PGAM5: variants seen among roughly 807,000 people sequenced by gnomAD.
PGAM5 encodes the protein serine/threonine-protein phosphatase PGAM5, mitochondrial.
In PGAM5, 25 loss-of-function variants were observed where a neutral mutation model predicts 30.6. The ratio of observed to expected loss-of-function variants is 0.82; its 90% CI spans 0.60 to 1.14. The LOEUF (loss-of-function observed/expected upper bound fraction) is 1.14. Ranked by LOEUF, PGAM5 falls within the 50% of genes most tolerant of loss-of-function variation. The probability of loss-of-function intolerance (pLI) is 0.00; values close to 1 mark genes in which losing one functional copy is unlikely to be tolerated. For synonymous variants in PGAM5, 201 were observed against 179.1 expected (o/e 1.12, Z -0.98); for missense variants, 384 against 408.5 (o/e 0.94, Z 0.52).
At chr12:132,712,055 T>C (rs1352554685) in intron 1 of PGAM5, among the ~76,000 whole-genome samples, 2 of 152,210 alleles carry the variant, frequency 1.3e-5, no homozygotes, top group Non-Finnish European at 2.9e-5. Context: ...GTGGTTGCGT[T>C]AGGTACTTTA....
rs1382606444 is a variant in PGAM5 at position 132,717,757 on chromosome 12, G to C, written c.544G>C (p.Glu182Gln). 4 of 1,586,468 alleles carry C rather than the reference G, an allele frequency of 2.5e-6. No homozygotes were observed. Among genetic ancestry groups the C allele is most frequent in the Non-Finnish European group, 2.6e-6 (3 of 1,166,736 alleles). The change falls in exon 4 of 6, where the codon GAG becomes CAG. Residue 182 changes from glutamate (E) to glutamine (Q), a missense_variant. Coordinates refer to ENST00000498926, the MANE Select transcript of PGAM5 (RefSeq NM_001170543.2). ...TCTGCTGCGGGAAGGCGCCCCCATC[G>C]AGCCAGACCCGCCCGTGTCTCATTG... ...TDLLREGAPI[E>Q]PDPPVSHWKP... is the part of the protein sequence containing the mutation.
In PGAM5 at chr12:132,714,656, A is replaced by G; in HGVS notation, c.192-202A>G. 3 of 588,898 alleles carry G rather than the reference A, an allele frequency of 5.1e-6. No individual in the cohort carries two copies. In the South Asian group the frequency reaches 6.1e-5, roughly 12 times the overall value. 36.5% of individuals were successfully genotyped at this position (588,898 alleles called of 1,614,324 possible). On this transcript the variant is annotated intron_variant, in intron 1 of 5. Coordinates refer to ENST00000498926, the MANE Select transcript of PGAM5 (RefSeq NM_001170543.2). ...TGTCTGTTTTGCTCTCCAGCGCATCACTCAGAACAGACCTGGCACTAGCTT... is the reference window on the plus strand; with the variant it reads ...TGTCTGTTTTGCTCTCCAGCGCATCGCTCAGAACAGACCTGGCACTAGCTT...
intron 2 of PGAM5, 146 bp downstream of exon 2, chr12:132,715,182 C>A (rs753044348): frequency 3.3e-5 from 24 of 733,102 alleles, no homozygotes; most frequent in Non-Finnish European, 5.3e-5. Context: ...GGCACTGGGC[C>A]TCCTGGGGCC....
intron 1 of PGAM5, among the ~76,000 whole-genome samples, chr12:132,713,289 T>A: frequency 6.6e-6 from 1 of 152,210 alleles, no homozygotes; most frequent in East Asian, 1.9e-4. Context: ...TGGGAAAGAC[T>A]TATACAGACA....
rs2043639250 is a variant in PGAM5, at chr12:132,720,967, G to A, written c.*139G>A. The A allele has an allele frequency of 6.4e-6, 7 of 1,100,520 alleles. No homozygotes were observed. The highest frequency in any genetic ancestry group is 7.6e-6 in the Non-Finnish European group (6 of 793,428). 68.2% of individuals were successfully genotyped at this position (1,100,520 alleles called of 1,614,324 possible). A position where few individuals can be genotyped will look rare whatever the true frequency, so the allele number is the denominator to read the frequency against. On this transcript the variant is annotated 3_prime_UTR_variant, in exon 6 of 6. Coordinates refer to ENST00000498926, the MANE Select transcript of PGAM5 (RefSeq NM_001170543.2). ...TGACTTGTGACCAGGCTGAGAAGGGGAGAGTTGGGATCAGACAGCCTGACT... is the reference window on the plus strand; with the variant it reads ...TGACTTGTGACCAGGCTGAGAAGGGAAGAGTTGGGATCAGACAGCCTGACT...
In PGAM5 at chr12:132,717,648, A is replaced by C; in HGVS notation, c.497-62A>C. On this transcript the variant is annotated intron_variant, in intron 3 of 5. Transcript: ENST00000498926. ...CCGGCCTGAGCTCCTGGCCACCGGGAGGTCACAGCATCTCCGCCGGCGGGG... is the reference window on the plus strand; with the variant it reads ...CCGGCCTGAGCTCCTGGCCACCGGGCGGTCACAGCATCTCCGCCGGCGGGG... 5 of 1,585,470 alleles carry C rather than the reference A, an allele frequency of 3.2e-6. 1 individual carries two copies. Among genetic ancestry groups the C allele is most frequent in the Non-Finnish European group, 3.4e-6 (4 of 1,164,004 alleles).
Position 132,717,693 on chromosome 12 carries a change from G to T in PGAM5, c.497-17G>T, listed in dbSNP as rs751419670. ...GCGGGGCCGCCTCACCCAGCGCTTC[G>T]CTGTGCTTCTCTGCAGGCGTCTGCA... On this transcript the variant is annotated splice_polypyrimidine_tract_variant and intron_variant, in intron 3 of 5. Transcript: ENST00000498926. 332 of 1,566,542 alleles carry T rather than the reference G, an allele frequency of 2.1e-4. No homozygotes were observed. Among genetic ancestry groups the T allele is most frequent in the Non-Finnish European group, 2.7e-4 (312 of 1,155,296 alleles).
chr12:132,720,450 GGT>G (rs1477284550), intron 5 of PGAM5, among the ~76,000 whole-genome samples: 1 of 152,104 alleles, frequency 6.6e-6, no homozygotes, highest in East Asian at 1.9e-4. Context: ...TGGGACTACA[GGT>G]GCCTGCTATC....
intron 1 of PGAM5, among the ~76,000 whole-genome samples, chr12:132,714,344 C>T (rs1364931514): frequency 6.6e-6 from 1 of 152,226 alleles, no homozygotes; most frequent in African/African-American, 2.4e-5. Context: ...CTTAGTATGA[C>T]TGAGGACATG....
intron 2 of PGAM5, 93 bp downstream of exon 2, chr12:132,715,129 T>C: frequency 7.6e-7 from 1 of 1,322,058 alleles, no homozygotes; most frequent in South Asian, 1.5e-5. Context: ...TGGGTGCAGG[T>C]CCTCCGCCGA....
rs776987702 is a variant in PGAM5, at chr12:132,717,504, G to A, written c.436G>A (p.Val146Ile). 12 of 1,610,740 alleles carry A rather than the reference G, an allele frequency of 7.4e-6. No individual in the cohort carries two copies. The highest frequency in any genetic ancestry group is 3.3e-5 in the South Asian group (3 of 91,086). Residue 146 changes from valine to isoleucine, a missense_variant, in exon 3 of 6, where the codon GTC becomes ATC. Physicochemically the swap from Val to Ile is conservative, Grantham distance 29 (BLOSUM62 3). Coordinates refer to ENST00000498926, the MANE Select transcript of PGAM5 (RefSeq NM_001170543.2). The stretch of plus-strand genomic sequence containing the variant: ...CTTGGGGTTGAAGTTTAATAAAATC[G>A]TCCATTCGTCTATGACGCGCGCCAT... ...ASLGLKFNKIVHSSMTRAIET... is the reference protein window; with the variant it reads ...ASLGLKFNKIIHSSMTRAIET...
In PGAM5 at chr12:132,720,816, C is replaced by G. The variant is rs2043637094; in HGVS notation, c.858C>G (p.Ile286Met). The change falls in exon 6 of 6, where the codon ATC becomes ATG. Residue 286 changes from isoleucine to methionine, a missense_variant. By Grantham distance (10) the Ile-to-Met change is conservative. Coordinates refer to ENST00000498926, the MANE Select transcript of PGAM5 (RefSeq NM_001170543.2). ...CGGGGTTCATGCCTCCCGACAAGATCACTCGATCCTGAGGGCTCCGGCCTC... is the reference window on the plus strand; with the variant it reads ...CGGGGTTCATGCCTCCCGACAAGATGACTCGATCCTGAGGGCTCCGGCCTC... The part of the protein sequence containing the change: ...GDTGFMPPDK[I>M]TRS 1.3e-6 allele frequency: 2 copies of G among 1,536,262 alleles called. No homozygotes were observed. The highest frequency in any genetic ancestry group is 2.7e-5 in the African/African-American group (2 of 73,016).
chr12:132,722,147 T>A lies in PGAM5; in HGVS notation c.*1319T>A, dbSNP rs549729814. On this transcript the variant is annotated 3_prime_UTR_variant, in exon 6 of 6. Transcript: ENST00000498926. ...AGGTGACACGCTAGTGACAGCCCAATAGGGGGTTACCCTTATTGAGTAAAA... is the reference window on the plus strand; with the variant it reads ...AGGTGACACGCTAGTGACAGCCCAAAAGGGGGTTACCCTTATTGAGTAAAA... 6.6e-6 allele frequency: 1 copy of A among 152,314 alleles called. No individual in the cohort carries two copies. The highest frequency in any genetic ancestry group is 1.9e-4 in the East Asian group (1 of 5,188). 9.4% of individuals were successfully genotyped at this position (152,314 alleles called of 1,614,324 possible).
intron 5 of PGAM5, 115 bp downstream of exon 5, chr12:132,718,235 C>T (rs2043603253): frequency 2.2e-6 from 3 of 1,378,356 alleles, no homozygotes; most frequent in African/African-American, 1.5e-5. Context: ...AGTCAGGCCT[C>T]ACCAGCCCCC....
chr12:132,714,339 T>C (rs1304411920), intron 1 of PGAM5, among the ~76,000 whole-genome samples: 1 of 152,246 alleles, frequency 6.6e-6, no homozygotes, highest in African/African-American at 2.4e-5. Flanking sequence ...ATGTGCTTAG[T>C]ATGACTGAGG....
chr12:132,719,118 A>G lies in PGAM5; in HGVS notation c.719+998A>G, dbSNP rs552832353. 452 of 1,356,300 alleles carry G rather than the reference A, an allele frequency of 3.3e-4. 2 individuals carry two copies. The African/African-American group carries it at 5.4e-3, about 16-fold the overall frequency. The allele number at this position is 1,356,300 out of a possible 1,614,324, so 84.0% of individuals were successfully genotyped here. ...GCCAGCTCTACGGTTACATGCCTGA[A>G]ACAGTCAGAAGGGTTGGCCAAATCT... is the stretch of plus-strand genomic sequence containing the variant. On this transcript the variant is annotated intron_variant, in intron 5 of 5. Transcript: ENST00000498926.
intron 5 of PGAM5, among the ~76,000 whole-genome samples, chr12:132,719,577 TG>T (rs2043622627): frequency 6.6e-6 from 1 of 152,188 alleles, no homozygotes; most frequent in Non-Finnish European, 1.5e-5. Flanking sequence ...ACCACCACCT[TG>T]TGTGTCCATG....
chr12:132,717,461 T>C lies in PGAM5; in HGVS notation c.393T>C (p.Thr131=). ...TPLGREQAEL[T]GLRLASLGLK... The stretch of plus-strand genomic sequence containing the variant: ...CAGGTCGGGAGCAGGCTGAACTCAC[T>C]GGGCTCCGCCTGGCAAGCTTGGGGT... Residue 131 remains threonine, a synonymous_variant, in exon 3 of 6, where the codon ACT becomes ACC. Transcript: ENST00000498926. The C allele has an allele frequency of 1.2e-6, 2 of 1,609,044 alleles. No homozygotes were observed. Among genetic ancestry groups the C allele is most frequent in the Non-Finnish European group, 1.7e-6 (2 of 1,179,902 alleles).
chr12:132,711,796 A>G (rs568996271), intron 1 of PGAM5: 2 of 152,286 alleles, frequency 1.3e-5, no homozygotes, highest in African/African-American at 4.8e-5. Flanking sequence ...AGGAAAAAAA[A>G]AAAAAGTAGT....
Sources: gnomAD v4.1 joint callset for allele counts (sites outside exome capture counted in the v4.1 genomes callset) on GRCh38, gnomAD v4.1.1 for gene constraint, MANE v1.5 for transcripts, NCBI Gene and HGNC (gene_info 2026-07-23, HGNC 2026-07-21) for gene names.